CELF4: variants seen among roughly 807,000 people sequenced by gnomAD.
CELF4 encodes the protein CUG-BP- and ETR-3-like factor 4.
Under a neutral mutation model 59.9 loss-of-function variants are expected in CELF4, and 18 were observed. That is an observed-to-expected ratio of 0.30 (90% CI 0.21 to 0.45). The LOEUF (loss-of-function observed/expected upper bound fraction) is 0.45. CELF4 is among the 20% of genes least tolerant of loss of function. CELF4 has a pLI of 1.00. For synonymous variants in CELF4, 261 were observed against 267.1 expected (o/e 0.98, Z 0.22); for missense variants, 456 against 689.0 (o/e 0.66, Z 3.79).
At chr18:37,451,986 C>T (rs1384238792) in intron 2 of CELF4, among the ~76,000 whole-genome samples, 1 of 152,178 alleles carries the variant, frequency 6.6e-6, no homozygotes, top group Non-Finnish European at 1.5e-5. Context: ...GATCTGAGCC[C>T]TCCTCTGCCC....
chr18:37,431,934 G>A (rs559417775), intron 2 of CELF4, among the ~76,000 whole-genome samples: 3 of 152,280 alleles, frequency 2.0e-5, no homozygotes, highest in South Asian at 2.1e-4. Flanking sequence ...CTTGGCTTTC[G>A]TTCTGTGGAA....
chr18:37,273,410 C>A lies in CELF4; in HGVS notation c.802-247G>T, dbSNP rs114915694. 3.2e-6 allele frequency: 4 copies of A among 1,251,726 alleles called. No homozygotes were observed. The African/African-American group carries it at 6.0e-5, about 19-fold the overall frequency. The allele number at this position is 1,251,726 out of a possible 1,614,324, so 77.5% of individuals were successfully genotyped here. A position where few individuals can be genotyped will look rare whatever the true frequency, so the allele number is the denominator to read the frequency against. ...GGTCTTTGGAACTCCAAAGTTGTTG[C>A]TAGGGGCAGAGGAGGAGACTGGCTC... On this transcript the variant is annotated intron_variant, in intron 6 of 12. Coordinates refer to ENST00000420428, the MANE Select transcript of CELF4 (RefSeq NM_020180.4).
At chr18:37,426,255 C>T (rs972392759) in intron 2 of CELF4, among the ~76,000 whole-genome samples, 7 of 152,196 alleles carry the variant, frequency 4.6e-5, no homozygotes, top group African/African-American at 9.7e-5. Context: ...CTGTCTGCCA[C>T]GGACACTCTA....
chr18:37,563,848 A>T (rs2099987308), intron 1 of CELF4, among the ~76,000 whole-genome samples: 1 of 152,198 alleles, frequency 6.6e-6, no homozygotes, highest in Non-Finnish European at 1.5e-5. Flanking sequence ...AGCCAATAAA[A>T]ACTGCTCTCT....
chr18:37,462,710 T>C lies in CELF4; in HGVS notation c.369+22815A>G, dbSNP rs529405190. Among the ~76,000 whole-genome samples, 7 of 152,144 alleles carry C rather than the reference T, an allele frequency of 4.6e-5. No individual in the cohort carries two copies. In the South Asian group the frequency reaches 1.5e-3, roughly 32 times the overall value. On this transcript the variant is annotated intron_variant, in intron 2 of 12. Transcript: ENST00000420428. The stretch of plus-strand genomic sequence containing the variant: ...GGAAGTAAAAGGGCAGTGTGCATGA[T>C]AGATAGACAAGATTTGACTTATTCA...
At chr18:37,319,491 G>A (rs1052400592) in intron 3 of CELF4, among the ~76,000 whole-genome samples, 1 of 152,196 alleles carries the variant, frequency 6.6e-6, no homozygotes, top group Non-Finnish European at 1.5e-5. Flanking sequence ...TCTGAGGTCC[G>A]GGTTGGGAGG....
intron 2 of CELF4, among the ~76,000 whole-genome samples, chr18:37,374,671 A>G (rs1446175280): frequency 6.6e-6 from 1 of 152,138 alleles, no homozygotes; most frequent in Non-Finnish European, 1.5e-5. Flanking sequence ...TCAGTCTCTG[A>G]TGGAAAAGCC....
chr18:37,270,226 C>T (rs997622344), intron 8 of CELF4, among the ~76,000 whole-genome samples: 2 of 152,212 alleles, frequency 1.3e-5, no homozygotes, highest in African/African-American at 2.4e-5. Context: ...AGGTGCTGGG[C>T]TGTCTGTGGT....
chr18:37,378,567 A>G (rs1427007721), intron 2 of CELF4, among the ~76,000 whole-genome samples: 1 of 152,228 alleles, frequency 6.6e-6, no homozygotes, highest in African/African-American at 2.4e-5. Flanking sequence ...AAATCAGACA[A>G]CACTAGCGAC....
chr18:37,488,856 A>G (rs1417584312), intron 1 of CELF4, among the ~76,000 whole-genome samples: 5 of 152,216 alleles, frequency 3.3e-5, no homozygotes, highest in African/African-American at 1.2e-4. Flanking sequence ...GAAAGAAGGA[A>G]GCAGTGAGAG....
intron 2 of CELF4, among the ~76,000 whole-genome samples, chr18:37,346,019 T>C (rs1190812459): frequency 6.6e-6 from 1 of 152,154 alleles, no homozygotes; most frequent in East Asian, 1.9e-4. Context: ...ATTAAAAAAC[T>C]GATTACTCCA....
At chr18:37,385,816 G>A (rs564935304) in intron 2 of CELF4, among the ~76,000 whole-genome samples, 62 of 152,324 alleles carry the variant, frequency 4.1e-4, no homozygotes, top group African/African-American at 1.4e-3. Flanking sequence ...GACCCCACAT[G>A]TGGACTATTT....
intron 2 of CELF4, among the ~76,000 whole-genome samples, chr18:37,468,631 C>T (rs1288031441): frequency 6.6e-6 from 1 of 152,170 alleles, no homozygotes; most frequent in East Asian, 1.9e-4. Flanking sequence ...GCTATAAAGA[C>T]ATACCTGAGA....
chr18:37,270,084 C>G (rs2090384468), intron 8 of CELF4, among the ~76,000 whole-genome samples: 1 of 152,252 alleles, frequency 6.6e-6, no homozygotes. Context: ...GGGAGAAGAG[C>G]TGCTTCAGGC....
At chr18:37,367,546 C>T (rs571538972) in intron 2 of CELF4, among the ~76,000 whole-genome samples, 7 of 152,090 alleles carry the variant, frequency 4.6e-5, no homozygotes, top group East Asian at 1.9e-4. Flanking sequence ...AGGAAGGCCA[C>T]GGCTGAATTT....
intron 2 of CELF4, among the ~76,000 whole-genome samples, chr18:37,363,042 C>T (rs2098730016): frequency 6.6e-6 from 1 of 152,138 alleles, no homozygotes; most frequent in Non-Finnish European, 1.5e-5. Context: ...CTCATTTCTC[C>T]CACTCTCTCT....
intron 2 of CELF4, among the ~76,000 whole-genome samples, chr18:37,338,713 C>T (rs902552816): frequency 6.6e-6 from 1 of 151,660 alleles, no homozygotes; most frequent in African/African-American, 2.4e-5. Context: ...AGATTTTAAG[C>T]TCTCTGTGCT....
chr18:37,489,605 AGG>A (rs1248801399), intron 1 of CELF4, among the ~76,000 whole-genome samples: 1 of 151,934 alleles, frequency 6.6e-6, no homozygotes, highest in Non-Finnish European at 1.5e-5. Flanking sequence ...TCCAGCTGAA[AGG>A]GGGGAAGGTG....
chr18:37,288,181 T>C (rs1276411789), intron 3 of CELF4, among the ~76,000 whole-genome samples: 2 of 152,214 alleles, frequency 1.3e-5, no homozygotes, highest in Non-Finnish European at 2.9e-5. Flanking sequence ...AAGATTCTCT[T>C]TGACGTTTTC....
Sources: gnomAD v4.1 joint callset for allele counts (sites outside exome capture counted in the v4.1 genomes callset) on GRCh38, gnomAD v4.1.1 for gene constraint, MANE v1.5 for transcripts, NCBI Gene and HGNC (gene_info 2026-07-23, HGNC 2026-07-21) for gene names.